BRINP3: variants seen among roughly 807,000 people sequenced by gnomAD.
BRINP3 encodes the protein BMP/retinoic acid inducible neural specific 3.
In BRINP3, 19 loss-of-function variants were observed where a neutral mutation model predicts 71.0. The ratio of observed to expected loss-of-function variants is 0.27; its 90% CI spans 0.19 to 0.39. The LOEUF is 0.39. Among genes scored for constraint, BRINP3 ranks in the 10% least tolerant of loss-of-function variants. The pLI is 1.00. For synonymous variants in BRINP3, 380 were observed against 337.7 expected (o/e 1.13, Z -1.37); for missense variants, 959 against 940.8 (o/e 1.02, Z -0.25).
rs1422081701 is a variant in BRINP3 at position 190,099,151 on chromosome 1, G to A, written c.1185-17C>T. On this transcript the variant is annotated splice_polypyrimidine_tract_variant and intron_variant, in intron 7 of 7. Coordinates refer to ENST00000367462, the MANE Select transcript of BRINP3 (RefSeq NM_199051.3). ...GTTGAGGTTCTAGAAATACAAAACA[G>A]AACGAATCTACATAAATACAAAGAT... 6.2e-7 allele frequency: 1 copy of A among 1,605,298 alleles called. No individual in the cohort carries two copies. Among genetic ancestry groups the A allele is most frequent in the African/African-American group, 1.3e-5 (1 of 74,642 alleles).
At chr1:190,113,373 T>C (rs1026755832) in intron 7 of BRINP3, among the ~76,000 whole-genome samples, 3 of 152,164 alleles carry the variant, frequency 2.0e-5, no homozygotes, top group Non-Finnish European at 4.4e-5. Flanking sequence ...CAGTTTATTA[T>C]CTTTATTTAG....
intron 2 of BRINP3, among the ~76,000 whole-genome samples, chr1:190,326,089 A>G (rs985122968): frequency 1.5e-4 from 23 of 152,236 alleles, no homozygotes; most frequent in Admixed American, 1.2e-3. Flanking sequence ...TTTAAAAAAA[A>G]TCAATTGGAG....
chr1:190,217,414 T>C (rs1571391192), intron 6 of BRINP3, among the ~76,000 whole-genome samples: 1 of 151,970 alleles, frequency 6.6e-6, no homozygotes, highest in Admixed American at 6.6e-5. Flanking sequence ...CTTTCATATA[T>C]CTTACTAGTT....
chr1:190,180,375 T>G (rs1652921316), intron 6 of BRINP3, among the ~76,000 whole-genome samples: 1 of 152,146 alleles, frequency 6.6e-6, no homozygotes, highest in African/African-American at 2.4e-5. Context: ...TCTGGCACTT[T>G]GGGGTTTAAG....
chr1:190,453,366 G>T (rs1023695126), intron 2 of BRINP3, among the ~76,000 whole-genome samples: 3 of 151,112 alleles, frequency 2.0e-5, no homozygotes, highest in African/African-American at 7.3e-5. Context: ...GACTACAGGC[G>T]CTAGCCACCA....
chr1:190,374,917 C>T (rs1276730384), intron 2 of BRINP3, among the ~76,000 whole-genome samples: 3 of 151,884 alleles, frequency 2.0e-5, no homozygotes, highest in Non-Finnish European at 2.9e-5. Context: ...ACAAGGTCAA[C>T]AAGGGACATT....
chr1:190,291,543 TTAATAAAA>T (rs1343294526), intron 2 of BRINP3, among the ~76,000 whole-genome samples: 1 of 152,146 alleles, frequency 6.6e-6, no homozygotes, highest in Admixed American at 6.6e-5. Flanking sequence ...GGCCACCATT[TTAATAAAA>T]AATATTCAAC....
chr1:190,370,076 TACAA>T (rs1487287188), intron 2 of BRINP3, among the ~76,000 whole-genome samples: 3 of 152,068 alleles, frequency 2.0e-5, no homozygotes, highest in African/African-American at 7.2e-5. Context: ...ATTGAAGAAG[TACAA>T]ACAAAGAAAG....
chr1:190,350,218 C>G (rs2102041590), intron 2 of BRINP3, among the ~76,000 whole-genome samples: 1 of 152,192 alleles, frequency 6.6e-6, no homozygotes, highest in East Asian at 1.9e-4. Flanking sequence ...GAATTTCATT[C>G]ATCGCTCTAC....
intron 2 of BRINP3, among the ~76,000 whole-genome samples, chr1:190,316,472 C>G (rs1422669704): frequency 6.6e-6 from 1 of 151,984 alleles, no homozygotes; most frequent in Non-Finnish European, 1.5e-5. Flanking sequence ...TTGCTGCTGA[C>G]CCTGGAAAGG....
Position 190,467,581 on chromosome 1 carries a change from C to T in BRINP3, c.-51+9867G>A, listed in dbSNP as rs143624675. ...GAGGCTTGGATAGCCCAAATTTTAACCCAGAGGTTAGCCTTATAATGTCTC... is the reference window on the plus strand; with the variant it reads ...GAGGCTTGGATAGCCCAAATTTTAATCCAGAGGTTAGCCTTATAATGTCTC... On this transcript the variant is annotated intron_variant, in intron 1 of 7. Transcript: ENST00000367462. 8.1e-3 allele frequency among the ~76,000 whole-genome samples: 1,233 copies of T among 151,452 alleles called. 11 individuals are homozygous for T. Among genetic ancestry groups the T allele is most frequent in the Non-Finnish European group, 0.013 (869 of 67,500 alleles).
In BRINP3 at chr1:190,148,802, T is replaced by G. The variant is rs546884663; in HGVS notation, c.1184+11866A>C. 3.9e-5 allele frequency among the ~76,000 whole-genome samples: 6 copies of G among 152,248 alleles called. No individual in the cohort carries two copies. In the South Asian group the frequency reaches 1.2e-3, roughly 32 times the overall value. ...AAACTTTTTCTTGTTTTCCTATTTTTCCATTCTATTACTTAATGTTTTTTG... is the reference window on the plus strand; with the variant it reads ...AAACTTTTTCTTGTTTTCCTATTTTGCCATTCTATTACTTAATGTTTTTTG... On this transcript the variant is annotated intron_variant, in intron 7 of 7. Transcript: ENST00000367462.
intron 2 of BRINP3, among the ~76,000 whole-genome samples, chr1:190,419,690 T>TACACACACACACACAC (rs5779528): frequency 3.4e-5 from 5 of 148,358 alleles, no homozygotes; most frequent in African/African-American, 1.2e-4. Flanking sequence ...TATACATTTA[T>TACACACACACACACAC]ACACACACAC....
intron 1 of BRINP3, among the ~76,000 whole-genome samples, chr1:190,463,670 A>G (rs1006708171): frequency 6.6e-6 from 1 of 151,922 alleles, no homozygotes; most frequent in Non-Finnish European, 1.5e-5. Context: ...GATTAGTAAA[A>G]GAATGAGAGC....
chr1:190,211,234 C>A (rs973904486), intron 6 of BRINP3, among the ~76,000 whole-genome samples: 3 of 152,076 alleles, frequency 2.0e-5, no homozygotes, highest in Non-Finnish European at 4.4e-5. Flanking sequence ...CCACTGCACT[C>A]CATCCTGGGT....
chr1:190,416,293 A>T (rs1017896561), intron 2 of BRINP3, among the ~76,000 whole-genome samples: 1 of 152,080 alleles, frequency 6.6e-6, no homozygotes, highest in African/African-American at 2.4e-5. Flanking sequence ...CTTTTTCTAT[A>T]TTTTTAAGTT....
chr1:190,108,449 A>T (rs1255741100), intron 7 of BRINP3, among the ~76,000 whole-genome samples: 1 of 151,834 alleles, frequency 6.6e-6, no homozygotes, highest in African/African-American at 2.4e-5. Flanking sequence ...TAATAGAAAC[A>T]GTAAAATGTG....
intron 7 of BRINP3, among the ~76,000 whole-genome samples, chr1:190,109,285 C>A (rs1356993725): frequency 1.3e-5 from 2 of 151,962 alleles, no homozygotes; most frequent in African/African-American, 4.8e-5. Context: ...AGATTAAATA[C>A]CTGTTCAAAC....
At chr1:190,130,683 C>T (rs1654465051) in intron 7 of BRINP3, among the ~76,000 whole-genome samples, 1 of 152,014 alleles carries the variant, frequency 6.6e-6, no homozygotes, top group Non-Finnish European at 1.5e-5. Context: ...AGTGACTGTA[C>T]AGCCAGGGAT....
Sources: gnomAD v4.1 joint callset for allele counts (sites outside exome capture counted in the v4.1 genomes callset) on GRCh38, gnomAD v4.1.1 for gene constraint, MANE v1.5 for transcripts, NCBI Gene and HGNC (gene_info 2026-07-23, HGNC 2026-07-21) for gene names.